The following DPP10 variants were observed in gnomAD, a reference collection of about 807,000 sequenced individuals.
DPP10 encodes the protein inactive dipeptidyl peptidase 10.
DPP10 carries 33 observed loss-of-function variants against 120.9 expected under a neutral mutation model. The observed-to-expected ratio is 0.27, with a 90% CI of 0.21 to 0.37. The LOEUF (loss-of-function observed/expected upper bound fraction) is 0.37, where lower values mean the gene tolerates loss of function less well. Ranked by LOEUF, DPP10 falls within the 10% of genes least tolerant of loss-of-function variation. DPP10 has a pLI of 1.00. For synonymous variants in DPP10, 337 were observed against 326.1 expected, an observed-to-expected ratio of 1.03 and a Z score of -0.36; for missense variants, 816 against 942.8, an observed-to-expected ratio of 0.87 and a Z score of 1.76.
At chr2:115,786,751 A>T (rs1487309342) in intron 17 of DPP10, among the ~76,000 whole-genome samples, 1 of 152,208 alleles carries the variant, frequency 6.6e-6, no homozygotes, top group Non-Finnish European at 1.5e-5. Context: ...ATTCAGAAAG[A>T]TTGAGGCTTA....
At chr2:115,174,113 T>C (rs557220407) in intron 1 of DPP10, among the ~76,000 whole-genome samples, 2 of 152,336 alleles carry the variant, frequency 1.3e-5, no homozygotes, top group South Asian at 4.1e-4. Context: ...ATGTATTGTA[T>C]AGATTCTATC....
intron 1 of DPP10, among the ~76,000 whole-genome samples, chr2:115,125,056 C>CTCTA (rs1329423929): frequency 4.6e-5 from 7 of 152,176 alleles, no homozygotes. Flanking sequence ...TCTTTTGTTT[C>CTCTA]TCTATCTACC....
intron 1 of DPP10, among the ~76,000 whole-genome samples, chr2:115,304,119 A>G (rs963423060): frequency 1.2e-4 from 19 of 152,106 alleles, no homozygotes; most frequent in Non-Finnish European, 1.5e-5. Context: ...TATAAACACC[A>G]TCAGTAAAAT....
chr2:115,189,429 T>C (rs1305410909), intron 1 of DPP10, among the ~76,000 whole-genome samples: 4 of 152,054 alleles, frequency 2.6e-5, no homozygotes, highest in African/African-American at 9.7e-5. Context: ...GAACTACTGA[T>C]TGGAACTGAC....
chr2:115,092,770 A>G (rs1221268141), intron 1 of DPP10, among the ~76,000 whole-genome samples: 1 of 152,126 alleles, frequency 6.6e-6, no homozygotes, highest in Non-Finnish European at 1.5e-5. Context: ...TTTACCTTTG[A>G]TTGAGTTTTT....
intron 1 of DPP10, among the ~76,000 whole-genome samples, chr2:114,789,905 C>T (rs1683097426): frequency 6.6e-6 from 1 of 152,148 alleles, no homozygotes; most frequent in Non-Finnish European, 1.5e-5. Context: ...AATTAATGTT[C>T]TTGACATTAT....
At chr2:115,811,502 T>C (rs559296075) in intron 19 of DPP10, among the ~76,000 whole-genome samples, 1 of 152,370 alleles carries the variant, frequency 6.6e-6, no homozygotes, top group South Asian at 2.1e-4. Context: ...ATAATTTACT[T>C]GCCTGCCATA....
intron 1 of DPP10, among the ~76,000 whole-genome samples, chr2:115,069,022 G>A (rs1284731145): frequency 6.6e-6 from 1 of 151,866 alleles, no homozygotes; most frequent in Non-Finnish European, 1.5e-5. Context: ...GTTCTTGTCA[G>A]GATTACTTTT....
chr2:114,462,126 A>C, intron 1 of DPP10: 5 of 985,412 alleles, frequency 5.1e-6, no homozygotes, highest in Non-Finnish European at 6.0e-6. Flanking sequence ...ATGAAACATT[A>C]TCCCGTAACA....
chr2:115,088,761 AAAAAAAAACCAAAAAAC>A (rs1299438327), intron 1 of DPP10, among the ~76,000 whole-genome samples: 2 of 150,742 alleles, frequency 1.3e-5, no homozygotes, highest in South Asian at 4.2e-4. Flanking sequence ...AAAAAAAAAA[AAAAAAAAACCAAAAAAC>A]AAAAAAAACC....
chr2:115,606,826 T>C (rs1041155080), intron 5 of DPP10, among the ~76,000 whole-genome samples: 13 of 152,172 alleles, frequency 8.5e-5, no homozygotes, highest in Admixed American at 5.9e-4. Context: ...TTGTTTCTAT[T>C]TTCTTACCCA....
chr2:114,805,538 T>G (rs1323497150), intron 1 of DPP10, among the ~76,000 whole-genome samples: 1 of 152,180 alleles, frequency 6.6e-6, no homozygotes, highest in Non-Finnish European at 1.5e-5. Context: ...ACAAACACTT[T>G]CAGTACTTAA....
At chr2:114,976,412 T>A in intron 1 of DPP10, among the ~76,000 whole-genome samples, 1 of 152,226 alleles carries the variant, frequency 6.6e-6, no homozygotes, top group Non-Finnish European at 1.5e-5. Flanking sequence ...ATTTCTTGGC[T>A]GAATTTATCA....
intron 2 of DPP10, among the ~76,000 whole-genome samples, chr2:115,321,087 G>T (rs1388245158): frequency 4.6e-5 from 7 of 152,102 alleles, no homozygotes; most frequent in African/African-American, 1.7e-4. Context: ...ATCACCTGAG[G>T]CCAGGAGTTT....
chr2:115,087,533 C>CTTTTTTTTTTTTTTTTTTTTTTTTT (rs1310507943), intron 1 of DPP10, among the ~76,000 whole-genome samples: 21 of 92,584 alleles, frequency 2.3e-4, no homozygotes, highest in Non-Finnish European at 2.9e-4. Context: ...CTTTTCTTTT[C>CTTTTTTTTTTTTTTTTTTTTTTTTT]TTTTCTTTTT....
intron 1 of DPP10, among the ~76,000 whole-genome samples, chr2:114,680,951 C>A (rs183243612): frequency 7.6e-4 from 116 of 152,040 alleles, no homozygotes; most frequent in African/African-American, 2.6e-3. Flanking sequence ...TCCATGTTTT[C>A]TCATTTAAGA....
intron 5 of DPP10, among the ~76,000 whole-genome samples, chr2:115,585,581 C>CT (rs780978440): frequency 6.6e-6 from 1 of 152,140 alleles, no homozygotes; most frequent in Admixed American, 6.5e-5. Flanking sequence ...TCCTTCCTTT[C>CT]TTTTTTCCTT....
intron 19 of DPP10, among the ~76,000 whole-genome samples, chr2:115,803,372 T>G (rs1685505175): frequency 6.6e-6 from 1 of 152,190 alleles, no homozygotes; most frequent in Non-Finnish European, 1.5e-5. Context: ...TGATGGTTCT[T>G]GACTCTTTAT....
chr2:114,737,766 C>T (rs981128714), intron 1 of DPP10, among the ~76,000 whole-genome samples: 1 of 152,162 alleles, frequency 6.6e-6, no homozygotes, highest in African/African-American at 2.4e-5. Flanking sequence ...GCTACATGAC[C>T]TTGGGCAAGC....
Sources: gnomAD v4.1 joint callset for allele counts (sites outside exome capture counted in the v4.1 genomes callset) on GRCh38, gnomAD v4.1.1 for gene constraint, MANE v1.5 for transcripts, NCBI Gene and HGNC (gene_info 2026-07-23, HGNC 2026-07-21) for gene names.